Variants in TNNT1 observed in about 807,000 individuals in gnomAD.
TNNT1 encodes the protein troponin T1, slow skeletal type, also known as troponin T, slow skeletal muscle.
In TNNT1, 53 loss-of-function variants were observed where a neutral mutation model predicts 50.6. That is an observed-to-expected ratio of 1.05 (90% CI 0.84 to 1.32). TNNT1 has a LOEUF of 1.32. Ranked by LOEUF, TNNT1 falls within the 40% of genes most tolerant of loss-of-function variation. The probability of loss-of-function intolerance (pLI) is 0.00; values close to 1 mark genes in which losing one functional copy is unlikely to be tolerated. For missense variants in TNNT1, 348 were observed against 381.7 expected, an observed-to-expected ratio of 0.91 and a Z score of 0.74; for synonymous variants, 142 against 138.0, an observed-to-expected ratio of 1.03 and a Z score of -0.20.
intron 13 of TNNT1, chr19:55,133,449 G>A: frequency 3.3e-6 from 1 of 304,286 alleles, no homozygotes; most frequent in South Asian, 3.3e-5. Context: ...GGAGGCCAAG[G>A]CGGGTGGATC....
In TNNT1 at chr19:55,145,577, G is replaced by A. The variant is rs1404466063; in HGVS notation, c.107-12C>T. On this transcript the variant is annotated splice_polypyrimidine_tract_variant and intron_variant, in intron 5 of 13. Coordinates refer to ENST00000588981, the MANE Select transcript of TNNT1 (RefSeq NM_003283.6). ...GGGGCGTTCCTCTTCTGTTGGTGGT[G>A]GGGGATAAAAAGAGATAATTAGCAA... 1 of 1,613,468 alleles carries A rather than the reference G, an allele frequency of 6.2e-7. No individual in the cohort carries two copies. The highest frequency in any genetic ancestry group is 1.3e-5 in the African/African-American group (1 of 74,822).
chr19:55,141,261 C>A lies in TNNT1; in HGVS notation c.234G>T (p.Leu78=). The A allele has an allele frequency of 6.2e-7, 1 of 1,614,234 alleles. No individual in the cohort carries two copies. The highest frequency in any genetic ancestry group is 2.2e-5 in the East Asian group (1 of 44,888). ...RKRMEKDLLE[L]QTLIDVHFEQ... ...CGAAATGTACATCGATGAGTGTCTGCAGCTCCAGCAGGTCTTTCTCCATGC... is the reference window on the plus strand; with the variant it reads ...CGAAATGTACATCGATGAGTGTCTGAAGCTCCAGCAGGTCTTTCTCCATGC... The change falls in exon 8 of 14, where the codon CTG becomes CTT. Residue 78 remains leucine (L), a synonymous_variant. Transcript: ENST00000588981.
intron 8 of TNNT1, 69 bp from the exon 9 acceptor site, chr19:55,141,029 A>C: frequency 6.3e-7 from 1 of 1,587,724 alleles, no homozygotes. Context: ...GAGTAGGCTA[A>C]TAAACAGATT....
intron 13 of TNNT1, among the ~76,000 whole-genome samples, chr19:55,133,271 G>A (rs1321576027): frequency 6.6e-6 from 1 of 152,078 alleles, no homozygotes; most frequent in South Asian, 2.1e-4. Context: ...CTGGGCATGG[G>A]TGGGTAACAC....
At chr19:55,147,762 CGCCTGGGTCTG>C (rs2085605444) in intron 1 of TNNT1, among the ~76,000 whole-genome samples, 2 of 143,470 alleles carry the variant, frequency 1.4e-5, no homozygotes, top group Non-Finnish European at 3.0e-5. Context: ...CGGGCCTGGA[CGCCTGGGTCTG>C]AGGGAGGAGG....
Position 55,132,950 on chromosome 19 carries a change from C to T in TNNT1, c.802G>A (p.Ala268Thr), listed in dbSNP as rs200340030. Reference protein sequence around the residue: ...ISHAQKFRKGAGKGRVGGRWK With the variant: ...ISHAQKFRKGTGKGRVGGRWK The stretch of plus-strand genomic sequence containing the variant: ...CGGCCTCCAACGCGGCCCTTCCCTG[C>T]CCCCTTCCGGCTGTAGAAGAATGAG... The change falls in exon 14 of 14, where the codon GCA (alanine) becomes ACA (threonine). Residue 268 changes from alanine (A) to threonine (T), a missense_variant. Ala to Thr is a moderately conservative substitution (Grantham distance 58, BLOSUM62 0). Around this residue, in one of 3 missense-constraint regions of TNNT1, gnomAD observed 253 missense variants for 291.8 expected, o/e 0.87. Coordinates refer to ENST00000588981, the MANE Select transcript of TNNT1 (RefSeq NM_003283.6). The T allele has an allele frequency of 3.0e-5, 48 of 1,602,700 alleles. No homozygotes were observed. Among genetic ancestry groups the T allele is most frequent in the Non-Finnish European group, 3.9e-5 (46 of 1,175,850 alleles).
chr19:55,146,912 G>T (rs2085567178), intron 3 of TNNT1, 96 bp downstream of exon 3: 3 of 1,450,490 alleles, frequency 2.1e-6, no homozygotes, highest in Middle Eastern at 2.5e-4. Context: ...GGGCTGAGCC[G>T]CCCCTTCCCC....
intron 9 of TNNT1, 165 bp downstream of exon 9, chr19:55,140,718 A>G: frequency 2.9e-6 from 1 of 339,106 alleles, no homozygotes; most frequent in Non-Finnish European, 5.0e-6. Context: ...CAGAGGTTAC[A>G]GTGAGCTGAG....
Position 55,145,442 on chromosome 19 carries a change from T to C in TNNT1, c.128+102A>G, listed in dbSNP as rs2085531115. 6.1e-6 allele frequency: 7 copies of C among 1,144,954 alleles called. No individual in the cohort carries two copies. In the East Asian group the frequency reaches 1.8e-4, roughly 29 times the overall value. The allele number at this position is 1,144,954 out of a possible 1,614,324, so 70.9% of individuals were successfully genotyped here. On this transcript the variant is annotated intron_variant, in intron 6 of 13. Coordinates refer to ENST00000588981, the MANE Select transcript of TNNT1 (RefSeq NM_003283.6). ...GGAGAAATGTCGACTGCTGTTTCAATTTCCTCCCTCCATCTCTGCCTTTCT... is the reference window on the plus strand; with the variant it reads ...GGAGAAATGTCGACTGCTGTTTCAACTTCCTCCCTCCATCTCTGCCTTTCT...
chr19:55,138,301 G>A (rs187511190), intron 9 of TNNT1, among the ~76,000 whole-genome samples: 24 of 147,964 alleles, frequency 1.6e-4, no homozygotes, highest in African/African-American at 4.8e-4. Context: ...TTTTTGAGAC[G>A]GACTCTCGCT....
At position 55,145,612 on chromosome 19, in the gene TNNT1, G is replaced by A. The variant is rs538851043; in HGVS notation, c.107-47C>T. On this transcript the variant is annotated intron_variant, in intron 5 of 13. Transcript: ENST00000588981. ...AAGAGATAATTAGCAAGAGTTTAGAGGAGAGGGGCTAGGCCTGACACACCC... is the reference window on the plus strand; with the variant it reads ...AAGAGATAATTAGCAAGAGTTTAGAAGAGAGGGGCTAGGCCTGACACACCC... 289 of 1,610,500 alleles carry A rather than the reference G, an allele frequency of 1.8e-4. No homozygotes were observed. The South Asian group carries it at 2.4e-3, about 13-fold the overall frequency.
chr19:55,133,739 A>T, intron 13 of TNNT1, 148 bp downstream of exon 13: 1 of 876,022 alleles, frequency 1.1e-6, no homozygotes, highest in Non-Finnish European at 1.9e-6. Context: ...TTCCGAGAGC[A>T]GAGAGAGGAG....
At chr19:55,141,139 C>A in intron 8 of TNNT1, 47 bp downstream of exon 8, 1 of 1,544,206 alleles carries the variant, frequency 6.5e-7, no homozygotes, top group Non-Finnish European at 9.0e-7. Flanking sequence ...TGCAAGGGAT[C>A]CACATGGAGG....
Position 55,134,184 on chromosome 19 carries a change from G to C in TNNT1, c.632C>G (p.Pro211Arg), listed in dbSNP as rs2085301511. The C allele has an allele frequency of 6.3e-7, 1 of 1,581,990 alleles. No individual in the cohort carries two copies. Among genetic ancestry groups the C allele is most frequent in the Non-Finnish European group, 8.6e-7 (1 of 1,164,128 alleles). ...GGCAGGGCAGGAGGGCTGTGATGGA[G>C]GCAGCCAGGCAGACCGGGCCCTAGG... ...EQLRARSAWL[P>R]PSQPSCPARE... Residue 211 changes from proline (P) to arginine (R), a missense_variant, in exon 12 of 14, where the codon CCT (proline) becomes CGT (arginine). Pro to Arg is a moderately radical substitution (Grantham distance 103). Around this residue, in one of 3 missense-constraint regions of TNNT1, gnomAD observed 253 missense variants for 291.8 expected, o/e 0.87. Transcript: ENST00000588981.
chr19:55,140,724 C>T, intron 9 of TNNT1, 159 bp downstream of exon 9: 1 of 368,196 alleles, frequency 2.7e-6, no homozygotes. Context: ...TTACAGTGAG[C>T]TGAGATCGTG....
intron 10 of TNNT1, among the ~76,000 whole-genome samples, 191 bp downstream of exon 10, chr19:55,137,770 C>T (rs1162542746): frequency 6.6e-6 from 1 of 151,042 alleles, no homozygotes; most frequent in Non-Finnish European, 1.5e-5. Context: ...ACCCCAGCCC[C>T]TCCTCCCTCA....
At chr19:55,146,876 C>T (rs1409055574) in intron 3 of TNNT1, 132 bp downstream of exon 3, 2 of 1,318,098 alleles carry the variant, frequency 1.5e-6, no homozygotes, top group South Asian at 1.5e-5. Context: ...ACGCTCCAGA[C>T]CCGGAGAGGG....
Position 55,147,149 on chromosome 19 carries a change from G to A in TNNT1, c.9C>T (p.Asp3=). The change falls in exon 2 of 14, where the codon GAC becomes GAT. Residue 3 remains aspartate, a synonymous_variant. Coordinates refer to ENST00000588981, the MANE Select transcript of TNNT1 (RefSeq NM_003283.6). ...ACTCCTCATATTCCTGCTCCTCGGT[G>A]TCCGACATCCTGGTGCGGCCTAAGG... MS[D]TEEQEYEEEQ... The A allele has an allele frequency of 6.2e-7, 1 of 1,613,808 alleles. No individual in the cohort carries two copies. Among genetic ancestry groups the A allele is most frequent in the Non-Finnish European group, 8.5e-7 (1 of 1,179,862 alleles).
At chr19:55,138,461 G>A (rs568960317) in intron 9 of TNNT1, among the ~76,000 whole-genome samples, 1 of 152,032 alleles carries the variant, frequency 6.6e-6, no homozygotes, top group Non-Finnish European at 1.5e-5. Flanking sequence ...TATTTTTAGT[G>A]GAGACGCGGT....
Sources: gnomAD v4.1 joint callset for allele counts (sites outside exome capture counted in the v4.1 genomes callset) on GRCh38, gnomAD v4.1.1 for gene constraint, gnomAD v4.1.1 regional missense constraint, MANE v1.5 for transcripts, NCBI Gene and HGNC (gene_info 2026-07-23, HGNC 2026-07-21) for gene names.